The following ZNF251 variants were observed in gnomAD, a reference collection of about 807,000 sequenced individuals.
ZNF251 encodes the protein zinc finger protein 251.
In ZNF251, 14 loss-of-function variants were observed where a neutral mutation model predicts 13.5. That is an observed-to-expected ratio of 1.04 (90% confidence interval 0.69 to 1.63). ZNF251 has a LOEUF of 1.63. ZNF251 is among the 40% of genes most tolerant of loss of function. ZNF251 has a pLI of 0.00. For missense variants in ZNF251, 764 were observed against 834.9 expected (o/e 0.92, Z 1.05); for synonymous variants, 287 against 295.2 (o/e 0.97, Z 0.28).
intron 4 of ZNF251, among the ~76,000 whole-genome samples, chr8:144,729,354 T>A (rs1426710205): frequency 8.0e-6 from 1 of 125,408 alleles, no homozygotes; most frequent in African/African-American, 4.2e-5. Flanking sequence ...TTTTTTTTTG[T>A]GAGATAGAGT....
chr8:144,747,469 C>T (rs929923714), intron 4 of ZNF251, among the ~76,000 whole-genome samples: 1 of 152,232 alleles, frequency 6.6e-6, no homozygotes, highest in Non-Finnish European at 1.5e-5. Context: ...TTATTCCCAG[C>T]TGACTGATGT....
chr8:144,755,308 C>G, intron 1 of ZNF251, 97 bp downstream of exon 1: 1 of 1,276,256 alleles, frequency 7.8e-7, no homozygotes, highest in Non-Finnish European at 1.0e-6. Context: ...CCAGAACAGG[C>G]TCCTCCTGGA....
In ZNF251 at chr8:144,730,952, C is replaced by G. The variant is rs1307658807; in HGVS notation, c.278-7570G>C. On this transcript the variant is annotated intron_variant, in intron 4 of 4. Transcript: ENST00000292562. ...AGTGACGGTCGTGGGAACCGCCCCC[C>G]TCAGAGGAGACAGCAGCACCTTGGG... is the stretch of plus-strand genomic sequence containing the variant. Among the ~76,000 whole-genome samples the G allele has an allele frequency of 5.9e-5, 9 of 152,334 alleles. 1 individual carries two copies. The highest frequency in any genetic ancestry group is 4.1e-4 in the South Asian group (2 of 4,824).
chr8:144,723,927 TCCA>T (rs1823441702), intron 4 of ZNF251, among the ~76,000 whole-genome samples: 2 of 152,038 alleles, frequency 1.3e-5, no homozygotes, highest in South Asian at 2.1e-4. Context: ...CACAAAAATA[TCCA>T]CCGAGTTCCT....
intron 4 of ZNF251, among the ~76,000 whole-genome samples, chr8:144,730,734 C>T (rs1823669007): frequency 6.6e-6 from 1 of 152,236 alleles, no homozygotes; most frequent in Non-Finnish European, 1.5e-5. Flanking sequence ...CAGGACAGGA[C>T]GGAGCCTGTG....
At chr8:144,725,330 C>G (rs1437937794) in intron 4 of ZNF251, among the ~76,000 whole-genome samples, 2 of 147,690 alleles carry the variant, frequency 1.4e-5, no homozygotes, top group Non-Finnish European at 3.0e-5. Context: ...TTTTAAAAGA[C>G]AGGGGCTTGG....
Position 144,754,197 on chromosome 8 carries a change from G to A in ZNF251, c.158C>T (p.Ser53Phe), listed in dbSNP as rs766429833. The change falls in exon 3 of 5, where the codon TCT becomes TTT. Residue 53 changes from serine (S) to phenylalanine (F), a missense_variant. Coordinates refer to ENST00000292562, the MANE Select transcript of ZNF251 (RefSeq NM_138367.2). ...CCAAGTGCAGAGAGCCTCACCCAGAGAGGCCACGTTCCCATAGTTCTCCAG... is the reference window on the plus strand; with the variant it reads ...CCAAGTGCAGAGAGCCTCACCCAGAAAGGCCACGTTCCCATAGTTCTCCAG... ...VMLENYGNVA[S>F]LGFPVPKPEL... 1.2e-6 allele frequency: 2 copies of A among 1,613,288 alleles called. No individual in the cohort carries two copies. The highest frequency in any genetic ancestry group is 4.5e-5 in the East Asian group (2 of 44,854).
intron 4 of ZNF251, among the ~76,000 whole-genome samples, chr8:144,746,819 T>C (rs1824451968): frequency 1.3e-5 from 2 of 152,172 alleles, no homozygotes; most frequent in South Asian, 4.1e-4. Context: ...GTAGTGATGT[T>C]CCCTCTTTCA....
intron 4 of ZNF251, among the ~76,000 whole-genome samples, chr8:144,744,929 G>C (rs2727257): frequency 6.6e-6 from 1 of 152,120 alleles, no homozygotes. Context: ...GGTGGCGGGC[G>C]CCTGTAATCC....
intron 4 of ZNF251, among the ~76,000 whole-genome samples, chr8:144,745,334 C>T (rs542701229): frequency 1.1e-4 from 16 of 151,942 alleles, no homozygotes; most frequent in African/African-American, 3.9e-4. Context: ...TCTGGGCTCT[C>T]TGTTCTGTTT....
At chr8:144,752,579 C>T (rs1342889396) in intron 4 of ZNF251, among the ~76,000 whole-genome samples, 2 of 152,278 alleles carry the variant, frequency 1.3e-5, no homozygotes, top group African/African-American at 4.8e-5. Context: ...AATCTTAGCT[C>T]TTACATGTAG....
At chr8:144,746,634 G>A (rs962811078) in intron 4 of ZNF251, among the ~76,000 whole-genome samples, 1 of 152,178 alleles carries the variant, frequency 6.6e-6, no homozygotes, top group African/African-American at 2.4e-5. Context: ...TTCTATTTTG[G>A]AAGGTAATTG....
intron 4 of ZNF251, among the ~76,000 whole-genome samples, chr8:144,743,926 G>A (rs374838204): frequency 1.3e-5 from 2 of 149,668 alleles, no homozygotes; most frequent in African/African-American, 4.9e-5. Flanking sequence ...AGTTTTTTGT[G>A]TATTTTGGAT....
intron 4 of ZNF251, among the ~76,000 whole-genome samples, chr8:144,731,963 GAC>G (rs1823710393): frequency 8.4e-6 from 1 of 119,266 alleles, no homozygotes; most frequent in Admixed American, 8.0e-5. Context: ...TTTTTTTTAA[GAC>G]AGAGTCTTTC....
intron 4 of ZNF251, among the ~76,000 whole-genome samples, 197 bp from the exon 5 acceptor site, chr8:144,723,579 C>T (rs951821003): frequency 1.3e-5 from 2 of 152,164 alleles, no homozygotes; most frequent in Non-Finnish European, 2.9e-5. Context: ...CATTAGTTAT[C>T]AAAGTAGTCA....
chr8:144,744,895 A>G (rs1372274812), intron 4 of ZNF251, among the ~76,000 whole-genome samples: 1 of 152,184 alleles, frequency 6.6e-6, no homozygotes, highest in African/African-American at 2.4e-5. Flanking sequence ...ATCTCTACTA[A>G]AAGTACAAAA....
rs766513068 is a variant in ZNF251, at chr8:144,734,361, C to T, written c.278-10979G>A. ...TGTCCCCCAACTCCAGCGGGTGTCA[C>T]GGGTCTAATCCCTGGCACAAACCGG... On this transcript the variant is annotated intron_variant, in intron 4 of 4. Coordinates refer to ENST00000292562, the MANE Select transcript of ZNF251 (RefSeq NM_138367.2). The surrounding 1 kb of genome is among the most constrained non-coding windows in gnomAD (Gnocchi z 4.4). Among the ~76,000 whole-genome samples, 9 of 152,212 alleles carry T rather than the reference C, an allele frequency of 5.9e-5. No individual in the cohort carries two copies. The highest frequency in any genetic ancestry group is 1.9e-4 in the East Asian group (1 of 5,202).
Position 144,726,207 on chromosome 8 carries a change from A to C in ZNF251, c.278-2825T>G, listed in dbSNP as rs1209373276. 1.3e-5 allele frequency among the ~76,000 whole-genome samples: 2 copies of C among 150,454 alleles called. 1 individual carries two copies. Among genetic ancestry groups the C allele is most frequent in the East Asian group, 3.9e-4 (2 of 5,134 alleles). ...GAGACTCTGTCTCAAAAAAAAAAAA[A>C]AAAAAAAAAAAAGAATGCAAAGTTA... On this transcript the variant is annotated intron_variant, in intron 4 of 4. Transcript: ENST00000292562.
chr8:144,723,456 G>T, intron 4 of ZNF251, 74 bp from the exon 5 acceptor site: 1 of 1,178,648 alleles, frequency 8.5e-7, no homozygotes, highest in Non-Finnish European at 1.1e-6. Flanking sequence ...TGTGGTAGAA[G>T]CTCCTATAAA....
Sources: gnomAD v4.1 joint callset for allele counts (sites outside exome capture counted in the v4.1 genomes callset) on GRCh38, gnomAD v4.1.1 for gene constraint, Gnocchi (gnomAD v3.1) non-coding constraint, MANE v1.5 for transcripts, NCBI Gene and HGNC (gene_info 2026-07-23, HGNC 2026-07-21) for gene names.